ELF2: variants seen among roughly 807,000 people sequenced by gnomAD.
ELF2 encodes the protein ETS-related transcription factor Elf-2.
ELF2 carries 11 observed loss-of-function variants against 54.8 expected under a neutral mutation model. The ratio of observed to expected loss-of-function variants is 0.20; its 90% CI spans 0.13 to 0.33. The LOEUF (loss-of-function observed/expected upper bound fraction) is 0.33, where lower values mean the gene tolerates loss of function less well. ELF2 is among the 10% of genes least tolerant of loss of function. The pLI, the probability that ELF2 is intolerant of heterozygous loss-of-function variation, is 1.00. For missense variants in ELF2, 513 were observed against 703.0 expected (o/e 0.73, Z 3.06); for synonymous variants, 203 against 245.1 (o/e 0.83, Z 1.61).
At chr4:139,158,607 T>C (rs949203852) in intron 1 of ELF2, among the ~76,000 whole-genome samples, 5 of 152,170 alleles carry the variant, frequency 3.3e-5, no homozygotes, top group Admixed American at 1.3e-4. Context: ...ATTTGTCATA[T>C]AGAATGATTG....
chr4:139,092,414 T>TAACATAA, intron 4 of ELF2, among the ~76,000 whole-genome samples: 1 of 87,822 alleles, frequency 1.1e-5, no homozygotes, highest in South Asian at 4.0e-4. Flanking sequence ...TAACATAACA[T>TAACATAA]ACATAACATA....
At chr4:139,084,065 A>C in intron 4 of ELF2, 2 of 1,608,582 alleles carry the variant, frequency 1.2e-6, no homozygotes, top group Non-Finnish European at 1.7e-6. Context: ...CAGGGGAGTC[A>C]CCCCGCCTTC....
chr4:139,125,295 A>G lies in ELF2; in HGVS notation c.107T>C (p.Ile36Thr), dbSNP rs753069996. ...TCTGGCACTTGGAACTGGCTCCACAATCACTGCTGGATATTCAGAAACCTT... is the reference window on the plus strand; with the variant it reads ...TCTGGCACTTGGAACTGGCTCCACAGTCACTGCTGGATATTCAGAAACCTT... ...SEKVSEYPAV[I>T]VEPVPSARLE... The change falls in exon 4 of 10, where the codon ATT (isoleucine) becomes ACT (threonine). Residue 36 changes from isoleucine (I) to threonine (T), a missense_variant. By Grantham distance (89) the Ile-to-Thr change is moderately conservative (BLOSUM62 -1). Coordinates refer to ENST00000686138, the MANE Select transcript of ELF2 (RefSeq NM_001331036.3). 6 of 1,613,486 alleles carry G rather than the reference A, an allele frequency of 3.7e-6. No individual in the cohort carries two copies. The highest frequency in any genetic ancestry group is 5.1e-6 in the Non-Finnish European group (6 of 1,179,876).
At chr4:139,109,500 T>C (rs368805654) in intron 4 of ELF2, among the ~76,000 whole-genome samples, 2 of 152,290 alleles carry the variant, frequency 1.3e-5, no homozygotes, top group East Asian at 3.9e-4. Flanking sequence ...CTATAAGACA[T>C]TTAGTCTTAA....
At chr4:139,125,911 G>A (rs1045328344) in intron 3 of ELF2, among the ~76,000 whole-genome samples, 8 of 151,808 alleles carry the variant, frequency 5.3e-5, no homozygotes, top group African/African-American at 1.9e-4. Flanking sequence ...TAAGCAACCA[G>A]ACCTCCTCCA....
rs1553971301 is a variant in ELF2, at chr4:139,151,032, A to AAAG, written c.-251-11536_-251-11535insCTT. 5.8e-3 allele frequency among the ~76,000 whole-genome samples: 599 copies of AAAG among 102,454 alleles called. 11 individuals are homozygous for AAAG. The highest frequency in any genetic ancestry group is 0.022 in the African/African-American group (430 of 19,670). The allele number at this position is 102,454 out of a possible 152,430, so 67.2% of individuals were successfully genotyped here. ...GAACGAGGCTCCATCTCAAAAAAAA[A>AAAG]AAAGAAAGAAAGAAAGAAAGAAAGA... On this transcript the variant is annotated intron_variant, in intron 1 of 9. Transcript: ENST00000686138.
intron 4 of ELF2, among the ~76,000 whole-genome samples, chr4:139,076,937 CTCAT>C (rs1366095011): frequency 6.6e-6 from 1 of 152,086 alleles, no homozygotes; most frequent in Non-Finnish European, 1.5e-5. Context: ...AGAAAATTTA[CTCAT>C]TCATACTTTA....
intron 1 of ELF2, among the ~76,000 whole-genome samples, chr4:139,161,032 A>G (rs1407734574): frequency 1.3e-5 from 2 of 152,340 alleles, no homozygotes; most frequent in Admixed American, 1.3e-4. Context: ...GTGTGTCTCC[A>G]TGTGTGTATA....
At chr4:139,172,748 CTCT>C (rs1012583601) in intron 1 of ELF2, among the ~76,000 whole-genome samples, 1 of 151,932 alleles carries the variant, frequency 6.6e-6, no homozygotes, top group East Asian at 1.9e-4. Flanking sequence ...TGTTTTTAAT[CTCT>C]TATTATGTCT....
At chr4:139,072,895 G>A (rs1406358831) in intron 5 of ELF2, among the ~76,000 whole-genome samples, 1 of 152,152 alleles carries the variant, frequency 6.6e-6, no homozygotes, top group Non-Finnish European at 1.5e-5. Context: ...TTTGTATCAA[G>A]TCAAATTAAC....
intron 1 of ELF2, 110 bp from the exon 2 acceptor site, chr4:139,139,607 C>T (rs1017059715): frequency 2.1e-6 from 1 of 466,470 alleles, no homozygotes; most frequent in Admixed American, 4.8e-5. Context: ...AAATCACTTC[C>T]AAAGCCATAT....
intron 3 of ELF2, among the ~76,000 whole-genome samples, chr4:139,131,633 A>G (rs1053189573): frequency 1.3e-5 from 2 of 152,176 alleles, no homozygotes; most frequent in African/African-American, 2.4e-5. Flanking sequence ...ATCAAAACTG[A>G]AAAATGCCGT....
intron 4 of ELF2, among the ~76,000 whole-genome samples, chr4:139,119,516 T>C (rs1200557553): frequency 2.6e-5 from 4 of 152,136 alleles, no homozygotes; most frequent in Admixed American, 6.5e-5. Flanking sequence ...GGTTTCAGAA[T>C]CTCCCAAGGT....
chr4:139,143,333 A>C (rs1464793112), intron 1 of ELF2, among the ~76,000 whole-genome samples: 1 of 152,208 alleles, frequency 6.6e-6, no homozygotes, highest in Non-Finnish European at 1.5e-5. Context: ...TTCTGATCAC[A>C]GAGGAGCACA....
chr4:139,151,085 A>AAGAAAGAAAG, intron 1 of ELF2, among the ~76,000 whole-genome samples: 1 of 150,808 alleles, frequency 6.6e-6, no homozygotes, highest in African/African-American at 2.5e-5. Flanking sequence ...AGAAAGAAAG[A>AAGAAAGAAAG]AAGAAAGAAA....
intron 1 of ELF2, among the ~76,000 whole-genome samples, chr4:139,152,576 C>G (rs1454935719): frequency 6.6e-6 from 1 of 152,098 alleles, no homozygotes; most frequent in Admixed American, 6.6e-5. Context: ...AACAATTCTC[C>G]TGCCTCAGCC....
chr4:139,151,750 G>C (rs1396705825), intron 1 of ELF2, among the ~76,000 whole-genome samples: 1 of 152,170 alleles, frequency 6.6e-6, no homozygotes, highest in Non-Finnish European at 1.5e-5. Context: ...CTGATCACGT[G>C]AATAGGTTCT....
chr4:139,140,753 C>CAAA (rs562017566), intron 1 of ELF2, among the ~76,000 whole-genome samples: 1 of 118,418 alleles, frequency 8.4e-6, no homozygotes, highest in Non-Finnish European at 1.8e-5. Context: ...GACCCTGTCT[C>CAAA]AAAAAAAAAA....
chr4:139,152,416 C>T (rs996182400), intron 1 of ELF2, among the ~76,000 whole-genome samples: 9 of 151,798 alleles, frequency 5.9e-5, no homozygotes, highest in African/African-American at 2.2e-4. Context: ...CTCACTGCAG[C>T]CTTAACCTCC....
Sources: gnomAD v4.1 joint callset for allele counts (sites outside exome capture counted in the v4.1 genomes callset) on GRCh38, gnomAD v4.1.1 for gene constraint, MANE v1.5 for transcripts, NCBI Gene and HGNC (gene_info 2026-07-23, HGNC 2026-07-21) for gene names.